ACACA: variants seen among roughly 807,000 people sequenced by gnomAD.
The protein encoded by ACACA is acetyl-CoA carboxylase 1.
ACACA carries 103 observed loss-of-function variants against 296.1 expected under a neutral mutation model. The observed-to-expected ratio is 0.35, with a 90% CI of 0.30 to 0.41. The LOEUF (loss-of-function observed/expected upper bound fraction) is 0.41. Among genes scored for constraint, ACACA ranks in the 10% least tolerant of loss-of-function variants. The pLI is 1.00. For missense variants in ACACA, 1,554 were observed against 2,989.7 expected, an observed-to-expected ratio of 0.52 and a Z score of 11.20; for synonymous variants, 953 against 1,038.6, an observed-to-expected ratio of 0.92 and a Z score of 1.58.
chr17:37,165,030 T>C (rs930083637), intron 41 of ACACA, among the ~76,000 whole-genome samples: 1 of 152,200 alleles, frequency 6.6e-6, no homozygotes, highest in African/African-American at 2.4e-5. Context: ...TATTGACTTC[T>C]AATTAGGTGT....
intron 42 of ACACA, among the ~76,000 whole-genome samples, chr17:37,156,049 C>CTTTA: frequency 7.7e-6 from 1 of 129,322 alleles, no homozygotes; most frequent in Non-Finnish European, 1.6e-5. Context: ...TTCTTTCTTT[C>CTTTA]TTTCTTTTTT....
At chr17:37,267,080 T>C (rs2081818575) in intron 10 of ACACA, among the ~76,000 whole-genome samples, 1 of 152,254 alleles carries the variant, frequency 6.6e-6, no homozygotes, top group African/African-American at 2.4e-5. Flanking sequence ...CCGTTAGGTA[T>C]CAATTTCTGT....
At chr17:37,174,090 G>C (rs1185852380) in intron 41 of ACACA, among the ~76,000 whole-genome samples, 1 of 132,540 alleles carries the variant, frequency 7.5e-6, no homozygotes, top group Non-Finnish European at 1.6e-5. Flanking sequence ...CAAACTCCTG[G>C]CGTCAAGTGA....
chr17:37,391,556 G>A, intron 1 of ACACA: 2 of 1,108,520 alleles, frequency 1.8e-6, no homozygotes, highest in Non-Finnish European at 2.7e-6. Flanking sequence ...AATTACATGG[G>A]GTTTTGTACT....
intron 1 of ACACA, among the ~76,000 whole-genome samples, chr17:37,391,178 C>T (rs1007820166): frequency 2.0e-5 from 3 of 152,060 alleles, no homozygotes; most frequent in East Asian, 1.9e-4. Context: ...GCACAGGCTG[C>T]GGTGAGCTGA....
chr17:37,107,387 G>A (rs1209578086), intron 52 of ACACA, among the ~76,000 whole-genome samples: 2 of 152,178 alleles, frequency 1.3e-5, no homozygotes, highest in Non-Finnish European at 1.5e-5. Flanking sequence ...TTAGCCCAGG[G>A]AACAGTCCTT....
chr17:37,263,352 C>G (rs2081602430), intron 11 of ACACA, among the ~76,000 whole-genome samples: 2 of 152,242 alleles, frequency 1.3e-5, no homozygotes, highest in South Asian at 4.1e-4. Flanking sequence ...TGATACTCAA[C>G]CCAGCAAATA....
rs1040114943 is a variant in ACACA at position 37,389,422 on chromosome 17, C to T, written c.38+16840G>A. ...TAAAGAAGGTGGGGTAGGGGCCGGG[C>T]GTGGTGGCTCACACCTCTATTCCCA... is the stretch of plus-strand genomic sequence containing the variant. On this transcript the variant is annotated intron_variant, in intron 1 of 55. Transcript: ENST00000616317. 8.5e-6 allele frequency: 13 copies of T among 1,536,346 alleles called. 1 individual carries two copies. The highest frequency in any genetic ancestry group is 3.5e-4 in the Middle Eastern group (2 of 5,772).
intron 50 of ACACA, among the ~76,000 whole-genome samples, chr17:37,116,569 A>G (rs565204818): frequency 5.9e-5 from 9 of 152,170 alleles, no homozygotes; most frequent in Non-Finnish European, 1.2e-4. Flanking sequence ...TAAAGCTGAC[A>G]TGTTTGGGAC....
At chr17:37,392,526 G>A (rs1370030968) in intron 1 of ACACA, 2 of 152,134 alleles carry the variant, frequency 1.3e-5, no homozygotes, top group Non-Finnish European at 2.9e-5. Context: ...AATCAATGTT[G>A]AGGTGAAAAA....
At position 37,370,988 on chromosome 17, in the gene ACACA, A is replaced by C. The variant is rs2049784305; in HGVS notation, c.39-31138T>G. Among the ~76,000 whole-genome samples, 7 of 152,088 alleles carry C rather than the reference A, an allele frequency of 4.6e-5. No homozygotes were observed. In the South Asian group the frequency reaches 1.5e-3, roughly 32 times the overall value. On this transcript the variant is annotated intron_variant, in intron 1 of 55. Transcript: ENST00000616317. The stretch of plus-strand genomic sequence containing the variant: ...AACAGAGCAAGACTCCATCTCAAAA[A>C]AAAAAAAATACATAGAGTTTGATTC...
chr17:37,165,863 G>C (rs992709925), intron 41 of ACACA, among the ~76,000 whole-genome samples: 2 of 151,956 alleles, frequency 1.3e-5, no homozygotes, highest in Admixed American at 6.6e-5. Flanking sequence ...TTTTTGTAGA[G>C]ACAGGATTTT....
At chr17:37,311,106 A>G (rs1304930390) in intron 3 of ACACA, among the ~76,000 whole-genome samples, 1 of 152,216 alleles carries the variant, frequency 6.6e-6, no homozygotes, top group Non-Finnish European at 1.5e-5. Flanking sequence ...AGTGGTTTTT[A>G]CGAGAGCAGT....
chr17:37,358,860 C>G (rs1597701861), intron 1 of ACACA: 6 of 816,844 alleles, frequency 7.3e-6, no homozygotes, highest in Admixed American at 6.2e-5. Flanking sequence ...GCCCCGCACC[C>G]GATCTGGATA....
At chr17:37,242,561 T>G (rs915028721) in intron 22 of ACACA, among the ~76,000 whole-genome samples, 1 of 151,676 alleles carries the variant, frequency 6.6e-6, no homozygotes, top group Non-Finnish European at 1.5e-5. Context: ...GACCCCCATC[T>G]CTATAAAAAT....
chr17:37,381,915 C>CCA (rs1434276633), intron 1 of ACACA, among the ~76,000 whole-genome samples: 1 of 152,202 alleles, frequency 6.6e-6, no homozygotes, highest in African/African-American at 2.4e-5. Context: ...GCGTGAGCCA[C>CCA]TGCACCCGGC....
chr17:37,122,436 A>G lies in ACACA; in HGVS notation c.6138+95T>C. On this transcript the variant is annotated intron_variant, in intron 49 of 55. Coordinates refer to ENST00000616317, the MANE Select transcript of ACACA (RefSeq NM_198834.3). ...AAGGCTGCTGATGCCCTTCCCTCTAAAACTGATGGTTTGCAATGTTCCTGA... is the reference window on the plus strand; with the variant it reads ...AAGGCTGCTGATGCCCTTCCCTCTAGAACTGATGGTTTGCAATGTTCCTGA... 5 of 1,036,900 alleles carry G rather than the reference A, an allele frequency of 4.8e-6. No individual in the cohort carries two copies. The South Asian group carries it at 6.3e-5, about 13-fold the overall frequency. The allele number at this position is 1,036,900 out of a possible 1,614,324, so 64.2% of individuals were successfully genotyped here.
chr17:37,269,910 A>T (rs2081993425), intron 10 of ACACA, among the ~76,000 whole-genome samples: 1 of 152,132 alleles, frequency 6.6e-6, no homozygotes, highest in Non-Finnish European at 1.5e-5. Flanking sequence ...TTTTTTGACA[A>T]ATCTTTTACT....
intron 3 of ACACA, among the ~76,000 whole-genome samples, chr17:37,298,241 GA>G (rs938147966): frequency 1.2e-4 from 19 of 152,090 alleles, no homozygotes; most frequent in South Asian, 2.1e-4. Flanking sequence ...GCAGTTGGGG[GA>G]AAAAAAGGAA....
Sources: allele counts gnomAD v4.1 joint callset (sites outside exome capture counted in the v4.1 genomes callset), GRCh38; gene constraint gnomAD v4.1.1; transcripts MANE v1.5; gene names NCBI Gene and HGNC (gene_info 2026-07-23, HGNC 2026-07-21).